Variants in ERICH1 observed in about 807,000 individuals in gnomAD.
ERICH1 encodes glutamate rich 1, also known as glutamate-rich protein 1.
ERICH1 carries 56 observed loss-of-function variants against 39.6 expected under a neutral mutation model. The ratio of observed to expected loss-of-function variants is 1.41; its 90% CI spans 1.14 to 1.77. The LOEUF is 1.77. Ranked by LOEUF, ERICH1 falls within the 40% of genes most tolerant of loss-of-function variation. The probability of loss-of-function intolerance (pLI) is 0.00; values close to 1 mark genes in which losing one functional copy is unlikely to be tolerated. For missense variants in ERICH1, 826 were observed against 575.4 expected, an observed-to-expected ratio of 1.44 and a Z score of -4.45; for synonymous variants, 313 against 223.6, an observed-to-expected ratio of 1.40 and a Z score of -3.57.
chr8:712,732 G>A (rs766488066), intron 2 of ERICH1, among the ~76,000 whole-genome samples: 2 of 152,166 alleles, frequency 1.3e-5, no homozygotes, highest in Non-Finnish European at 2.9e-5. Flanking sequence ...AATTCCACTT[G>A]TTCTTTGCTG....
At chr8:684,318 A>C (rs1563254658) in intron 3 of ERICH1, among the ~76,000 whole-genome samples, 1 of 152,222 alleles carries the variant, frequency 6.6e-6, no homozygotes, top group Admixed American at 6.5e-5. Flanking sequence ...AACAGTACAA[A>C]TGAAGAAAAG....
intron 3 of ERICH1, 25 bp from the exon 4 acceptor site, chr8:674,072 A>G: frequency 6.6e-7 from 1 of 1,512,916 alleles, no homozygotes; most frequent in African/African-American, 1.4e-5. Flanking sequence ...CAAATATAAC[A>G]ATTTTCAGTA....
chr8:634,280 C>T (rs546865657), intron 3 of ERICH1, among the ~76,000 whole-genome samples: 1 of 151,976 alleles, frequency 6.6e-6, no homozygotes, highest in Non-Finnish European at 1.5e-5. Flanking sequence ...ATCCACGAAG[C>T]GGTGCTCACC....
At chr8:630,512 G>C (rs988703716) in intron 3 of ERICH1, among the ~76,000 whole-genome samples, 1 of 116,712 alleles carries the variant, frequency 8.6e-6, no homozygotes. Flanking sequence ...CACACAGACA[G>C]AGCTGACTCA....
At chr8:688,823 C>G (rs1808255665) in intron 3 of ERICH1, among the ~76,000 whole-genome samples, 1 of 152,204 alleles carries the variant, frequency 6.6e-6, no homozygotes, top group Admixed American at 6.5e-5. Flanking sequence ...AAATCTCTCT[C>G]TTATCCAACA....
chr8:730,073 C>A (rs1819636617), intron 1 of ERICH1, among the ~76,000 whole-genome samples: 1 of 152,154 alleles, frequency 6.6e-6, no homozygotes, highest in Admixed American at 6.5e-5. Flanking sequence ...GCCAGCCCTG[C>A]TTCCAGGAGA....
chr8:726,737 T>G (rs1212377206), intron 1 of ERICH1, among the ~76,000 whole-genome samples: 1 of 144,972 alleles, frequency 6.9e-6, no homozygotes, highest in African/African-American at 2.6e-5. Flanking sequence ...GGCAAACAGA[T>G]ATGCATGTAC....
At chr8:663,076 A>G (rs1405593032), downstream of ERICH1, among the ~76,000 whole-genome samples, 1 of 152,242 alleles carries the variant, frequency 6.6e-6, no homozygotes, top group Non-Finnish European at 1.5e-5. Context: ...TACAACCTGC[A>G]TCAAGACGGG....
At chr8:680,615 CT>C (rs1386422197) in intron 3 of ERICH1, among the ~76,000 whole-genome samples, 2 of 151,592 alleles carry the variant, frequency 1.3e-5, no homozygotes, top group African/African-American at 4.8e-5. Flanking sequence ...GCTGCCACCC[CT>C]GTGAACACAG....
At chr8:660,304 C>T (rs1173008618), downstream of ERICH1, among the ~76,000 whole-genome samples, 3 of 152,274 alleles carry the variant, frequency 2.0e-5, no homozygotes, top group East Asian at 1.9e-4. Flanking sequence ...CTTTTAACAA[C>T]AGGCAGATTA....
In ERICH1 at chr8:664,444, G is replaced by C. The variant is rs1414834215; in HGVS notation, c.*159C>G. On this transcript the variant is annotated 3_prime_UTR_variant, in exon 6 of 6. Transcript: ENST00000262109. ...ATTTTACCCCAATTTCTCATCTGAA[G>C]CCTCAGATGGCATCTTGCCCACCAG... 7.9e-7 allele frequency: 1 copy of C among 1,261,468 alleles called. No homozygotes were observed. Among genetic ancestry groups the C allele is most frequent in the African/African-American group, 1.5e-5 (1 of 65,980 alleles). The allele number at this position is 1,261,468 out of a possible 1,614,324, so 78.1% of individuals were successfully genotyped here.
chr8:652,025 C>T (rs114765769), intron 3 of ERICH1, among the ~76,000 whole-genome samples: 1,580 of 152,284 alleles, frequency 0.01, 23 homozygotes, highest in African/African-American at 0.036. Context: ...TTGGCAGTTG[C>T]TGAGGCATCC....
Position 615,514 on chromosome 8 carries a change from A to AG in ERICH1, c.977-231dup, listed in dbSNP as rs1455237275. On this transcript the variant is annotated intron_variant, in intron 3 of 3. Transcript: ENST00000522706. ...GGGTGCACTGACACCATTCCTGCAA[A>AG]GGGAAGGCTCAGACAATGGCAGTGT... 9 of 435,172 alleles carry AG rather than the reference A, an allele frequency of 2.1e-5. No individual in the cohort carries two copies. In the East Asian group the frequency reaches 3.3e-4, roughly 16 times the overall value. 27.0% of individuals were successfully genotyped at this position (435,172 alleles called of 1,614,324 possible).
At chr8:693,289 TCA>T (rs1376517192) in intron 2 of ERICH1, among the ~76,000 whole-genome samples, 3 of 152,186 alleles carry the variant, frequency 2.0e-5, no homozygotes, top group African/African-American at 7.2e-5. Flanking sequence ...GGAGATCGTG[TCA>T]CATACTTTAT....
In ERICH1 at chr8:668,560, T is replaced by C. The variant is rs780608053; in HGVS notation, c.1258+38A>G. On this transcript the variant is annotated intron_variant, in intron 5 of 5. Transcript: ENST00000262109. ...TCAGAGGCAAACCTCGATGAGAGTA[T>C]CTTAAGCAGGACCTTGAATAAATCG... The C allele has an allele frequency of 6.8e-6, 11 of 1,612,692 alleles. No homozygotes were observed. The South Asian group carries it at 1.1e-4, about 16-fold the overall frequency.
chr8:708,345 A>G (rs1813775903), intron 2 of ERICH1, among the ~76,000 whole-genome samples: 2 of 152,242 alleles, frequency 1.3e-5, no homozygotes, highest in Non-Finnish European at 2.9e-5. Flanking sequence ...GAACATGTGC[A>G]TGGATTCTCA....
rs771497692 is a variant in ERICH1, at chr8:674,013, T to C, written c.339A>G (p.Arg113=). 3.8e-6 allele frequency: 6 copies of C among 1,571,316 alleles called. No individual in the cohort carries two copies. Among genetic ancestry groups the C allele is most frequent in the African/African-American group, 1.4e-5 (1 of 72,672 alleles). ...QDPHDQPKRR[R]IRKHKSKKKF... is the part of the protein sequence containing the mutation. ...TTTTCTTTGATTTATGCTTCCTAAT[T>C]CTTCTTCTCTTTGGCTGGTCATGAG... is the stretch of plus-strand genomic sequence containing the variant. The change falls in exon 4 of 6, where the codon AGA becomes AGG. Residue 113 remains arginine, a synonymous_variant. Coordinates refer to ENST00000262109, the MANE Select transcript of ERICH1 (RefSeq NM_207332.3).
intron 3 of ERICH1, among the ~76,000 whole-genome samples, chr8:691,812 G>A (rs1012209858): frequency 6.6e-6 from 1 of 152,068 alleles, no homozygotes; most frequent in East Asian, 1.9e-4. Context: ...AGTTTATATT[G>A]TTACAAATCA....
intron 3 of ERICH1, among the ~76,000 whole-genome samples, chr8:630,135 C>A (rs975754243): frequency 1.0e-5 from 1 of 98,248 alleles, no homozygotes; most frequent in African/African-American, 4.7e-5. Context: ...ACAGACAGAG[C>A]TGACTCACAC....
Sources: allele counts gnomAD v4.1 joint callset (sites outside exome capture counted in the v4.1 genomes callset), GRCh38; gene constraint gnomAD v4.1.1; transcripts MANE v1.5; gene names NCBI Gene and HGNC (gene_info 2026-07-23, HGNC 2026-07-21).